ZBTB20: variants seen among roughly 807,000 people sequenced by gnomAD.
ZBTB20 encodes the protein zinc finger and BTB domain containing 20.
In ZBTB20, 9 loss-of-function variants were observed where a neutral mutation model predicts 56.9. That is an observed-to-expected ratio of 0.16 (90% confidence interval 0.10 to 0.28). The LOEUF (loss-of-function observed/expected upper bound fraction) is 0.28. Ranked by LOEUF, ZBTB20 falls within the 10% of genes least tolerant of loss-of-function variation. The probability of loss-of-function intolerance (pLI) is 1.00; values close to 1 mark genes in which losing one functional copy is unlikely to be tolerated. For synonymous variants in ZBTB20, 417 were observed against 420.7 expected (o/e 0.99, Z 0.11); for missense variants, 655 against 1,003.0 (o/e 0.65, Z 4.69).
chr3:114,466,155 G>A (rs1373537934), intron 7 of ZBTB20, among the ~76,000 whole-genome samples: 1 of 152,034 alleles, frequency 6.6e-6, no homozygotes, highest in Non-Finnish European at 1.5e-5. Flanking sequence ...GGGAGAAAGA[G>A]TATACTTAAT....
At chr3:115,103,515 G>A (rs528513168) in intron 1 of ZBTB20, among the ~76,000 whole-genome samples, 1 of 152,286 alleles carries the variant, frequency 6.6e-6, no homozygotes, top group African/African-American at 2.4e-5. Flanking sequence ...GCAGATCAGT[G>A]CAACAAAATA....
At chr3:114,763,949 T>C (rs1376175148) in intron 5 of ZBTB20, among the ~76,000 whole-genome samples, 1 of 152,192 alleles carries the variant, frequency 6.6e-6, no homozygotes, top group Non-Finnish European at 1.5e-5. Flanking sequence ...TTTTCAAGCA[T>C]ATTCAGACAC....
intron 6 of ZBTB20, chr3:114,519,818 A>T (rs2046428974): frequency 6.6e-6 from 1 of 152,198 alleles, no homozygotes. Flanking sequence ...GAAAACTGGG[A>T]CAGCAGAGAT....
chr3:115,105,490 C>A (rs1026399284), intron 1 of ZBTB20, among the ~76,000 whole-genome samples: 1 of 152,178 alleles, frequency 6.6e-6, no homozygotes, highest in East Asian at 1.9e-4. Context: ...CCAGCCATGA[C>A]TCTGTGGTTG....
At chr3:114,772,845 C>G (rs1403601) in intron 5 of ZBTB20, among the ~76,000 whole-genome samples, 150,104 of 152,288 alleles carry the variant, frequency 0.99, 74,018 homozygotes, top group East Asian at 1. Context: ...CATGAAAAAG[C>G]GACTCTGTAA....
chr3:115,136,758 C>G (rs1380798433), intron 1 of ZBTB20, among the ~76,000 whole-genome samples: 1 of 152,036 alleles, frequency 6.6e-6, no homozygotes, highest in East Asian at 1.9e-4. Flanking sequence ...TCAGAAGAAC[C>G]TAGAATTTTG....
At chr3:114,913,357 T>C (rs916323092) in intron 3 of ZBTB20, among the ~76,000 whole-genome samples, 3 of 152,122 alleles carry the variant, frequency 2.0e-5, no homozygotes, top group African/African-American at 7.2e-5. Flanking sequence ...CTTTTTCATA[T>C]ACCAGTTTGC....
chr3:114,443,476 G>T (rs1042472409), intron 7 of ZBTB20, among the ~76,000 whole-genome samples: 10 of 152,170 alleles, frequency 6.6e-5, no homozygotes, highest in African/African-American at 2.4e-4. Context: ...CAATGTATGT[G>T]GGTCAGGCAC....
At chr3:115,107,414 T>C (rs956810363) in intron 1 of ZBTB20, among the ~76,000 whole-genome samples, 1 of 140,290 alleles carries the variant, frequency 7.1e-6, no homozygotes, top group African/African-American at 3.0e-5. Context: ...AGTGAGACTG[T>C]GTCAAAAAAA....
intron 3 of ZBTB20, among the ~76,000 whole-genome samples, chr3:114,945,923 T>C (rs2107878957): frequency 6.9e-6 from 1 of 145,130 alleles, no homozygotes; most frequent in South Asian, 2.1e-4. Flanking sequence ...TGAAAAGAAA[T>C]AGTACAAGAA....
chr3:114,454,249 T>G (rs926961705), intron 7 of ZBTB20, among the ~76,000 whole-genome samples: 1 of 147,240 alleles, frequency 6.8e-6, no homozygotes, highest in Non-Finnish European at 1.5e-5. Context: ...GAAGCAGCGT[T>G]TTTTTCTTTC....
intron 1 of ZBTB20, among the ~76,000 whole-genome samples, chr3:115,104,879 A>G (rs2083677439): frequency 6.6e-6 from 1 of 152,204 alleles, no homozygotes; most frequent in Non-Finnish European, 1.5e-5. Flanking sequence ...ATAATATGTC[A>G]AAGTTGGCTT....
chr3:114,670,214 G>C (rs1170295765), intron 6 of ZBTB20, among the ~76,000 whole-genome samples: 3 of 151,926 alleles, frequency 2.0e-5, no homozygotes, highest in Non-Finnish European at 2.9e-5. Context: ...ATTCTACTTT[G>C]GTTAGTGGTA....
intron 6 of ZBTB20, among the ~76,000 whole-genome samples, chr3:114,541,643 C>G (rs1486301549): frequency 6.6e-6 from 1 of 152,130 alleles, no homozygotes; most frequent in African/African-American, 2.4e-5. Flanking sequence ...ACCAAACAAC[C>G]TGTGGACTGT....
chr3:114,855,967 A>AT (rs1426022446), intron 4 of ZBTB20, among the ~76,000 whole-genome samples: 1 of 152,192 alleles, frequency 6.6e-6, no homozygotes, highest in Non-Finnish European at 1.5e-5. Flanking sequence ...CCTTCCTAGC[A>AT]TTATTTTAGG....
intron 6 of ZBTB20, among the ~76,000 whole-genome samples, chr3:114,578,502 T>C (rs769634382): frequency 1.5e-4 from 23 of 151,846 alleles, no homozygotes; most frequent in Non-Finnish European, 3.1e-4. Flanking sequence ...TAAATCCACG[T>C]CCAGACACAT....
At chr3:114,582,857 T>C (rs2054795939) in intron 6 of ZBTB20, among the ~76,000 whole-genome samples, 1 of 152,236 alleles carries the variant, frequency 6.6e-6, no homozygotes, top group African/African-American at 2.4e-5. Context: ...GTGATTATTT[T>C]GTTGAATCAA....
intron 4 of ZBTB20, among the ~76,000 whole-genome samples, chr3:114,836,568 G>A (rs1014212266): frequency 2.0e-5 from 3 of 151,998 alleles, no homozygotes; most frequent in Admixed American, 6.6e-5. Flanking sequence ...TACTTCTCTC[G>A]TCTCAGTGAA....
intron 5 of ZBTB20, among the ~76,000 whole-genome samples, chr3:114,777,750 T>A (rs1444996832): frequency 3.3e-5 from 5 of 152,066 alleles, no homozygotes; most frequent in Admixed American, 3.3e-4. Flanking sequence ...ACTGGGTATA[T>A]ACCCAAAGGA....
Sources: allele counts gnomAD v4.1 joint callset (sites outside exome capture counted in the v4.1 genomes callset), GRCh38; gene constraint gnomAD v4.1.1; transcripts MANE v1.5; gene names NCBI Gene and HGNC (gene_info 2026-07-23, HGNC 2026-07-21).